Variants in RGS3 observed in about 807,000 individuals in gnomAD.
RGS3 encodes regulator of G-protein signalling 3.
RGS3 carries 80 observed loss-of-function variants against 132.6 expected under a neutral mutation model. That is an observed-to-expected ratio of 0.60 (90% confidence interval 0.50 to 0.73). The LOEUF (loss-of-function observed/expected upper bound fraction) is 0.73, where lower values mean the gene tolerates loss of function less well. Among genes scored for constraint, RGS3 ranks in the 30% least tolerant of loss-of-function variants. The pLI is 0.00. For missense variants in RGS3, 1,382 were observed against 1,530.8 expected (o/e 0.90, Z 1.62); for synonymous variants, 598 against 620.6 (o/e 0.96, Z 0.54).
chr9:113,446,764 A>G (rs886851327), intron 1 of RGS3, among the ~76,000 whole-genome samples: 11 of 152,148 alleles, frequency 7.2e-5, no homozygotes, highest in African/African-American at 2.2e-4. Context: ...GACCATTCCA[A>G]GAGTGTGGCA....
At chr9:113,474,730 A>G (rs1319317664) in intron 3 of RGS3, among the ~76,000 whole-genome samples, 8 of 152,166 alleles carry the variant, frequency 5.3e-5, no homozygotes, top group Admixed American at 5.2e-4. Flanking sequence ...CAGTTCTTAA[A>G]TGGGCAGCGG....
chr9:113,534,863 T>C (rs1832616254), intron 18 of RGS3, among the ~76,000 whole-genome samples: 1 of 152,136 alleles, frequency 6.6e-6, no homozygotes, highest in Non-Finnish European at 1.5e-5. Context: ...ATGATCCTCC[T>C]GCCTTGGCCT....
At chr9:113,559,375 G>C (rs1289269722) in intron 19 of RGS3, among the ~76,000 whole-genome samples, 1 of 152,252 alleles carries the variant, frequency 6.6e-6, no homozygotes, top group African/African-American at 2.4e-5. Context: ...AGCTGCTACA[G>C]CTGCCCAAGG....
rs896416836 is a variant in RGS3, at chr9:113,591,194, C to T, written c.3016-139C>T. The stretch of plus-strand genomic sequence containing the variant: ...TGTTCCCAGCAGTGGGGTTTCCCTC[C>T]CTCACCTGTGTGCCGCGGGTGGGGG... On this transcript the variant is annotated intron_variant, in intron 20 of 24. Coordinates refer to ENST00000350696, the Ensembl canonical transcript of RGS3. This position sits in a 1 kb window ranked among gnomAD's most constrained non-coding sequence, Gnocchi z 4.4. 1.4e-6 allele frequency: 1 copy of T among 707,678 alleles called. No individual in the cohort carries two copies. The allele number at this position is 707,678 out of a possible 1,614,324, so 43.8% of individuals were successfully genotyped here.
intron 3 of RGS3, among the ~76,000 whole-genome samples, chr9:113,473,758 G>C (rs774256235): frequency 7.9e-5 from 12 of 152,120 alleles, no homozygotes; most frequent in African/African-American, 2.9e-4. Context: ...ACCATTTCAC[G>C]GAGTTATTGT....
Position 113,585,868 on chromosome 9 carries a change from A to G in RGS3, c.3015+1441A>G, listed in dbSNP as rs148915576. ...AGATGCCTTCTGCTGAAAGCTAGTCATTCTGACAGGGCAGGCTGGGGCCCT... is the reference window on the plus strand; with the variant it reads ...AGATGCCTTCTGCTGAAAGCTAGTCGTTCTGACAGGGCAGGCTGGGGCCCT... On this transcript the variant is annotated intron_variant, in intron 20 of 24. Transcript: ENST00000350696. Among the ~76,000 whole-genome samples, 292 of 152,338 alleles carry G rather than the reference A, an allele frequency of 1.9e-3. 2 individuals are homozygous for G. Among genetic ancestry groups the G allele is most frequent in the African/African-American group, 6.1e-3 (255 of 41,570 alleles).
At chr9:113,511,004 A>G (rs896202597) in intron 14 of RGS3, among the ~76,000 whole-genome samples, 13 of 152,172 alleles carry the variant, frequency 8.5e-5, no homozygotes, top group African/African-American at 3.1e-4. Context: ...TGGGCTGCCA[A>G]GAGATAGCCC....
At chr9:113,597,007 C>A in exon 25 of RGS3, 1 of 1,479,266 alleles carries the variant, frequency 6.8e-7, no homozygotes. Context: ...GTCCCCTGCC[C>A]ACCTGCCTCC....
intron 7 of RGS3, among the ~76,000 whole-genome samples, chr9:113,491,798 C>T (rs1830531525): frequency 6.6e-6 from 1 of 152,226 alleles, no homozygotes; most frequent in African/African-American, 2.4e-5. Context: ...AAGTGATCTG[C>T]CTGCCTTGGC....
At chr9:113,497,529 G>A (rs755297526) in intron 9 of RGS3, 125 bp downstream of exon 7, 13 of 767,574 alleles carry the variant, frequency 1.7e-5, no homozygotes, top group Non-Finnish European at 2.5e-5. Context: ...CCTGCTGGGT[G>A]CAGGGACTTC....
chr9:113,495,808 A>G, exon 8 of RGS3: 1 of 1,614,212 alleles, frequency 6.2e-7, no homozygotes, highest in South Asian at 1.1e-5. Flanking sequence ...CATTGGCTGC[A>G]TGAGCTTTGG....
intron 19 of RGS3, among the ~76,000 whole-genome samples, chr9:113,577,586 C>T (rs1428081958): frequency 6.6e-6 from 1 of 152,092 alleles, no homozygotes; most frequent in Non-Finnish European, 1.5e-5. Context: ...GTTGGGGGTA[C>T]TGATGGGATA....
Position 113,463,800 on chromosome 9 carries a change from G to T in RGS3, c.415+1599G>T. 1 of 1,609,272 alleles carries T rather than the reference G, an allele frequency of 6.2e-7. No individual in the cohort carries two copies. The highest frequency in any genetic ancestry group is 1.1e-5 in the South Asian group (1 of 90,492). On this transcript the variant is annotated intron_variant, in intron 3 of 24. Transcript: ENST00000350696. The surrounding 1 kb of genome is among the most constrained non-coding windows in gnomAD (Gnocchi z 4.6). ...GCTCCTGTCCGGGTCGCAGTGGGAC[G>T]CCATGGAGCGCTCCCTGCACCGCGT...
Position 113,479,506 on chromosome 9 carries a change from C to G in RGS3, c.431C>G (p.Ser144Cys). Residue 144 changes from serine (S) to cysteine (C), a missense_variant, in exon 4 of 25, where the codon TCC becomes TGC. Coordinates refer to ENST00000350696, the Ensembl canonical transcript of RGS3. ...GTTTCCTTAGGTCAGCTGAGGCTGT[C>G]CATTGATGCCCAGGACCGGGTTCTG... 2.5e-6 allele frequency: 4 copies of G among 1,614,200 alleles called. No individual in the cohort carries two copies. In the South Asian group the frequency reaches 4.4e-5, roughly 18 times the overall value.
At chr9:113,472,092 A>C (rs142670305) in intron 3 of RGS3, among the ~76,000 whole-genome samples, 1 of 152,328 alleles carries the variant, frequency 6.6e-6, no homozygotes, top group East Asian at 1.9e-4. Flanking sequence ...TACTAGAATG[A>C]CTATAATAAA....
intron 10 of RGS3, 136 bp from the exon 9 acceptor site, chr9:113,505,306 G>A (rs1224869708): frequency 1.4e-5 from 10 of 706,726 alleles, no homozygotes; most frequent in Middle Eastern, 3.7e-4. Flanking sequence ...TGAGGGGCTG[G>A]CTAGCTCCTT....
chr9:113,567,216 ACCCCTCCCCT>A (rs976180677), intron 19 of RGS3, among the ~76,000 whole-genome samples: 3 of 147,568 alleles, frequency 2.0e-5, no homozygotes, highest in Non-Finnish European at 4.5e-5. Context: ...CTGCCTGGAA[ACCCCTCCCCT>A]CCCCTCCCCT....
chr9:113,483,362 AG>A lies in RGS3; in HGVS notation c.525+247del, dbSNP rs567687986. ...TAAGGGCGATCTTGGTCATCTATAT[AG>A]GTGGGCAGTGAGTATGTGGATGGCT... On this transcript the variant is annotated intron_variant, in intron 5 of 24. Transcript: ENST00000350696. Among the ~76,000 whole-genome samples, 136 of 152,336 alleles carry A rather than the reference AG, an allele frequency of 8.9e-4. 1 individual carries two copies. The highest frequency in any genetic ancestry group is 3.2e-3 in the African/African-American group (133 of 41,578).
Position 113,593,816 on chromosome 9 carries a change from G to C in RGS3, c.3081-614G>C, listed in dbSNP as rs2119051201. 3.4e-6 allele frequency: 4 copies of C among 1,175,676 alleles called. No individual in the cohort carries two copies. In the South Asian group the frequency reaches 5.9e-5, roughly 17 times the overall value. 72.8% of individuals were successfully genotyped at this position (1,175,676 alleles called of 1,614,324 possible). ...AATGGTTCTTGGCTAAAAATAGCCAGTCCTGCCACCCCGGTGGTGGGCAGT... is the reference window on the plus strand; with the variant it reads ...AATGGTTCTTGGCTAAAAATAGCCACTCCTGCCACCCCGGTGGTGGGCAGT... On this transcript the variant is annotated intron_variant, in intron 21 of 24. Transcript: ENST00000350696.
Sources: gnomAD v4.1 joint callset for allele counts (sites outside exome capture counted in the v4.1 genomes callset) on GRCh38, gnomAD v4.1.1 for gene constraint, Gnocchi (gnomAD v3.1) non-coding constraint, MANE v1.5 for transcripts, NCBI Gene and HGNC (gene_info 2026-07-23, HGNC 2026-07-21) for gene names.